The following OPRL1 variants were observed in gnomAD, a reference collection of about 807,000 sequenced individuals.
OPRL1 encodes opioid related nociceptin receptor 1.
In OPRL1, 5 loss-of-function variants were observed where a neutral mutation model predicts 15.5. The ratio of observed to expected loss-of-function variants is 0.32; its 90% CI spans 0.17 to 0.68. The LOEUF (loss-of-function observed/expected upper bound fraction) is 0.68. OPRL1 is among the 30% of genes least tolerant of loss of function. OPRL1 has a pLI of 0.72. For synonymous variants in OPRL1, 223 were observed against 230.2 expected (o/e 0.97, Z 0.28); for missense variants, 406 against 515.3 (o/e 0.79, Z 2.05).
In OPRL1 at chr20:64,098,701, C is replaced by T. The variant is rs777047527; in HGVS notation, c.1015C>T (p.Leu339=). Reference sequence around the variant, plus strand: ...CCGCAAGTTCTGCTGTGCATCTGCCCTGCGCCGGGACGTGCAGGTGTCTGA... The same window carrying T: ...CCGCAAGTTCTGCTGTGCATCTGCCTTGCGCCGGGACGTGCAGGTGTCTGA... The part of the protein sequence containing the change: ...CFRKFCCASA[L]RRDVQVSDRV... Residue 339 remains leucine, a synonymous_variant, in exon 5 of 5, where the codon CTG becomes TTG. Transcript: ENST00000336866. 3.7e-6 allele frequency: 6 copies of T among 1,612,600 alleles called. 1 individual carries two copies. The highest frequency in any genetic ancestry group is 3.3e-5 in the Admixed American group (2 of 60,008).
At chr20:64,096,884 CCAT>C (rs1236822644) in intron 3 of OPRL1, among the ~76,000 whole-genome samples, 1 of 148,728 alleles carries the variant, frequency 6.7e-6, no homozygotes, top group Non-Finnish European at 1.5e-5. Context: ...ACCATCATTA[CCAT>C]CATCATCACG....
intron 1 of OPRL1, among the ~76,000 whole-genome samples, chr20:64,088,874 T>TGGCCAGGATCTGTGCAGGGA (rs1555939156): frequency 1.8e-4 from 14 of 79,796 alleles, no homozygotes; most frequent in African/African-American, 2.2e-4. Context: ...CTGTGCAGAG[T>TGGCCAGGATCTGTGCAGGGA]GGCCAGGGTC....
At chr20:64,095,302 GTGGGGGAGATGGTGT>G (rs1208691661) in intron 3 of OPRL1, among the ~76,000 whole-genome samples, 1 of 97,450 alleles carries the variant, frequency 1.0e-5, no homozygotes, top group Non-Finnish European at 2.1e-5. Flanking sequence ...GGGGGATAGT[GTGGGGGAGATGGTGT>G]TGGGGGAGAT....
chr20:64,093,046 G>A (rs1978390080), intron 3 of OPRL1, 93 bp downstream of exon 3: 13 of 1,118,778 alleles, frequency 1.2e-5, no homozygotes, highest in Non-Finnish European at 1.7e-5. Context: ...GGCCTGAGCA[G>A]GTGTTGATTT....
intron 3 of OPRL1, among the ~76,000 whole-genome samples, chr20:64,096,830 TCATCATCATGAC>T (rs1979181314): frequency 2.6e-5 from 1 of 38,980 alleles, no homozygotes; most frequent in Admixed American, 3.4e-4. Context: ...ATCATCACCA[TCATCATCATGAC>T]CATCACCACC....
chr20:64,084,668 C>T (rs1316272703), intron 1 of OPRL1, among the ~76,000 whole-genome samples: 1 of 152,194 alleles, frequency 6.6e-6, no homozygotes, highest in Non-Finnish European at 1.5e-5. Context: ...TCGCTCTTGC[C>T]CTTCGAGGCC....
chr20:64,083,538 C>A lies in OPRL1; in HGVS notation c.-185+3186C>A, dbSNP rs1425068299. ...GGGGTCCGGCGTGTGCGGAGGCGGG[C>A]AGGGCCCCTCCCCTTTCCCCGCCCC... is the stretch of plus-strand genomic sequence containing the variant. On this transcript the variant is annotated intron_variant, in intron 1 of 4. Transcript: ENST00000336866. This position sits in a 1 kb window ranked among gnomAD's most constrained non-coding sequence, Gnocchi z 4.9. The A allele has an allele frequency of 6.5e-7, 1 of 1,548,316 alleles. No individual in the cohort carries two copies. The highest frequency in any genetic ancestry group is 1.9e-5 in the Admixed American group (1 of 51,416).
At chr20:64,084,357 C>T in intron 1 of OPRL1, 3 of 1,284,298 alleles carry the variant, frequency 2.3e-6, no homozygotes, top group Non-Finnish European at 2.9e-6. Flanking sequence ...TTGAGTTCCG[C>T]ACCCCCAGCC....
intron 3 of OPRL1, among the ~76,000 whole-genome samples, chr20:64,096,988 A>C (rs144979598): frequency 0.05 from 3 of 60 alleles, no homozygotes; most frequent in Admixed American, 0.5. Flanking sequence ...CATCACCATC[A>C]CCACTATCAC....
intron 1 of OPRL1, among the ~76,000 whole-genome samples, chr20:64,082,940 CA>C (rs1212453475): frequency 6.6e-6 from 1 of 152,084 alleles, no homozygotes; most frequent in Non-Finnish European, 1.5e-5. Context: ...TCCCCTTGCC[CA>C]GTCTCTTGGT....
intron 1 of OPRL1, among the ~76,000 whole-genome samples, chr20:64,088,331 G>A (rs1303486739): frequency 6.6e-6 from 1 of 151,752 alleles, no homozygotes; most frequent in Non-Finnish European, 1.5e-5. Flanking sequence ...GTCTCTGCGG[G>A]GAGGACTTTT....
chr20:64,096,857 C>T (rs1352547306), intron 3 of OPRL1, among the ~76,000 whole-genome samples: 13 of 117,486 alleles, frequency 1.1e-4, no homozygotes, highest in Admixed American at 1.9e-4. Context: ...ACCACCATCA[C>T]CACTATCACC....
Position 64,089,139 on chromosome 20 carries a change from G to T in OPRL1, c.-184-2827G>T, listed in dbSNP as rs950356216. On this transcript the variant is annotated intron_variant, in intron 1 of 4. Transcript: ENST00000336866. The surrounding 1 kb of genome is among the most constrained non-coding windows in gnomAD (Gnocchi z 5.5). ...CCAGGGTCTGTGCTGGGGGTTTGCC[G>T]CAGGCACAAGGGAGGGAGAAGCTGT... Among the ~76,000 whole-genome samples the T allele has an allele frequency of 2.6e-5, 4 of 152,090 alleles. No homozygotes were observed. Among genetic ancestry groups the T allele is most frequent in the South Asian group, 2.1e-4 (1 of 4,824 alleles).
Position 64,098,275 on chromosome 20 carries a change from G to C in OPRL1, c.590-1G>C. ...CTCTGACCCCGTTTCTCTCCCTGCA[G>C]AGATCGAGTGCCTGGTGGAGATCCC... On this transcript the variant is annotated splice_acceptor_variant, in intron 4 of 4. Coordinates refer to ENST00000336866, the MANE Select transcript of OPRL1 (RefSeq NM_182647.4). LOFTEE classifies it high-confidence loss of function. The C allele has an allele frequency of 6.2e-7, 1 of 1,612,856 alleles. No individual in the cohort carries two copies. Among genetic ancestry groups the C allele is most frequent in the Non-Finnish European group, 8.5e-7 (1 of 1,179,426 alleles).
At position 64,098,528 on chromosome 20, in the gene OPRL1, T is replaced by C; in HGVS notation, c.842T>C (p.Val281Ala). 1 of 1,612,728 alleles carries C rather than the reference T, an allele frequency of 6.2e-7. No individual in the cohort carries two copies. Among genetic ancestry groups the C allele is most frequent in the Non-Finnish European group, 8.5e-7 (1 of 1,179,982 alleles). ...VFVGCWTPVQ[V>A]FVLAQGLGVQ... ...GTGGGCTGCTGGACGCCTGTCCAGGTCTTCGTGCTGGCCCAAGGGCTGGGG... is the reference window on the plus strand; with the variant it reads ...GTGGGCTGCTGGACGCCTGTCCAGGCCTTCGTGCTGGCCCAAGGGCTGGGG... Residue 281 changes from valine (V) to alanine (A), a missense_variant, in exon 5 of 5, where the codon GTC becomes GCC. Physicochemically the swap from Val to Ala is moderately conservative, Grantham distance 64 (BLOSUM62 0). Coordinates refer to ENST00000336866, the MANE Select transcript of OPRL1 (RefSeq NM_182647.4).
chr20:64,091,910 CAG>C (rs1381525495), intron 1 of OPRL1, 54 bp from the exon 2 acceptor site: 2 of 152,688 alleles, frequency 1.3e-5, no homozygotes, highest in Non-Finnish European at 1.5e-5. Flanking sequence ...CCACCTCCTC[CAG>C]CCTGCATAGC....
Position 64,089,165 on chromosome 20 carries a change from C to A in OPRL1, c.-184-2801C>A, listed in dbSNP as rs1256610614. On this transcript the variant is annotated intron_variant, in intron 1 of 4. Transcript: ENST00000336866. The surrounding 1 kb of genome is among the most constrained non-coding windows in gnomAD (Gnocchi z 5.5). ...CAGGCACAAGGGAGGGAGAAGCTGTCCTGGGTTCTATGGTTATGAACATGT... is the reference window on the plus strand; with the variant it reads ...CAGGCACAAGGGAGGGAGAAGCTGTACTGGGTTCTATGGTTATGAACATGT... Among the ~76,000 whole-genome samples, 1 of 152,198 alleles carries A rather than the reference C, an allele frequency of 6.6e-6. No homozygotes were observed. The highest frequency in any genetic ancestry group is 1.9e-4 in the East Asian group (1 of 5,174).
rs1047389456 is a variant in OPRL1 at position 64,083,598 on chromosome 20, G to A, written c.-185+3246G>A. On this transcript the variant is annotated intron_variant, in intron 1 of 4. Transcript: ENST00000336866. This position sits in a 1 kb window ranked among gnomAD's most constrained non-coding sequence, Gnocchi z 4.9. ...TTGTCTGCACCTCTTGGCGGTCCAGGGGGTCCGGGATCCGCGCGGGCTTCA... is the reference window on the plus strand; with the variant it reads ...TTGTCTGCACCTCTTGGCGGTCCAGAGGGTCCGGGATCCGCGCGGGCTTCA... 2 of 1,491,156 alleles carry A rather than the reference G, an allele frequency of 1.3e-6. No homozygotes were observed. Among genetic ancestry groups the A allele is most frequent in the African/African-American group, 2.9e-5 (2 of 69,760 alleles). 92.4% of individuals were successfully genotyped at this position (1,491,156 alleles called of 1,614,324 possible).
chr20:64,088,947 C>G (rs1161145463), intron 1 of OPRL1, among the ~76,000 whole-genome samples: 3 of 69,600 alleles, frequency 4.3e-5, no homozygotes, highest in Non-Finnish European at 9.2e-5. Context: ...AGGATCTGTG[C>G]AGAGTGGCCA....
Sources: allele counts gnomAD v4.1 joint callset (sites outside exome capture counted in the v4.1 genomes callset), GRCh38; gene constraint gnomAD v4.1.1; non-coding constraint Gnocchi (gnomAD v3.1); transcripts MANE v1.5; gene names NCBI Gene and HGNC (gene_info 2026-07-23, HGNC 2026-07-21).